NLRP6: variants seen among roughly 807,000 people sequenced by gnomAD.
NLRP6 encodes NACHT, LRR and PYD domains-containing protein 6.
NLRP6 carries 55 observed loss-of-function variants against 70.9 expected under a neutral mutation model. That is an observed-to-expected ratio of 0.78 (90% CI 0.62 to 0.97). The LOEUF is 0.97. Among genes scored for constraint, NLRP6 ranks in the 50% least tolerant of loss-of-function variants. The pLI, the probability that NLRP6 is intolerant of heterozygous loss-of-function variation, is 0.00. For synonymous variants in NLRP6, 652 were observed against 581.9 expected (o/e 1.12, Z -1.73); for missense variants, 1,241 against 1,238.3 (o/e 1.00, Z -0.03).
At chr11:282,529 C>T (rs1845493671) in intron 4 of NLRP6, among the ~76,000 whole-genome samples, 176 bp from the exon 5 acceptor site, 1 of 152,108 alleles carries the variant, frequency 6.6e-6, no homozygotes, top group Non-Finnish European at 1.5e-5. Context: ...ATGCCTGGGC[C>T]ACAGATGAGT....
chr11:282,619 C>T (rs1845494682), intron 4 of NLRP6, 86 bp from the exon 5 acceptor site: 1 of 1,052,168 alleles, frequency 9.5e-7, no homozygotes, highest in Non-Finnish European at 1.5e-6. Flanking sequence ...AGCTCTGAGA[C>T]CCCAGGACTA....
In NLRP6 at chr11:279,694, C is replaced by T. The variant is rs367560116; in HGVS notation, c.310+87C>T. 5 of 1,348,086 alleles carry T rather than the reference C, an allele frequency of 3.7e-6. No homozygotes were observed. In the African/African-American group the frequency reaches 6.2e-5, roughly 17 times the overall value. 83.5% of individuals were successfully genotyped at this position (1,348,086 alleles called of 1,614,324 possible). ...TTCCCGGAGAAGCCCCGGCGCGGTC[C>T]CCGGCCCCCGCGCGTTTTATCCACA... On this transcript the variant is annotated intron_variant, in intron 2 of 7. Coordinates refer to ENST00000534750, the MANE Select transcript of NLRP6 (RefSeq NM_001276700.2).
chr11:280,386 G>T lies in NLRP6; in HGVS notation c.652G>T (p.Asp218Tyr). 1 of 1,560,982 alleles carries T rather than the reference G, an allele frequency of 6.4e-7. No individual in the cohort carries two copies. Among genetic ancestry groups the T allele is most frequent in the South Asian group, 1.2e-5 (1 of 86,366 alleles). Residue 218 changes from aspartate to tyrosine, a missense_variant, in exon 4 of 8, where the codon GAC (aspartate) becomes TAC (tyrosine). Transcript: ENST00000534750. ...KTMAAKKILY[D>Y]WAAGKLYQGQ... is the part of the protein sequence containing the mutation. ...CATGGCGGCCAAAAAGATCCTGTACGACTGGGCGGCGGGCAAGCTGTACCA... is the reference window on the plus strand; with the variant it reads ...CATGGCGGCCAAAAAGATCCTGTACTACTGGGCGGCGGGCAAGCTGTACCA...
At chr11:283,730 G>A (rs1481510238) in intron 5 of NLRP6, among the ~76,000 whole-genome samples, 1 of 152,140 alleles carries the variant, frequency 6.6e-6, no homozygotes, top group African/African-American at 2.4e-5. Flanking sequence ...TCCATCCTAC[G>A]TTGATGGCAA....
At position 280,428 on chromosome 11, in the gene NLRP6, G is replaced by C. The variant is rs1177209006; in HGVS notation, c.694G>C (p.Ala232Pro). The C allele has an allele frequency of 1.3e-6, 2 of 1,590,546 alleles. No homozygotes were observed. The highest frequency in any genetic ancestry group is 1.4e-5 in the African/African-American group (1 of 73,906). The stretch of plus-strand genomic sequence containing the variant: ...GCTGTACCAGGGCCAGGTGGACTTC[G>C]CCTTCTTCATGCCCTGCGGCGAGCT... ...GKLYQGQVDF[A>P]FFMPCGELLE... Residue 232 changes from alanine to proline, a missense_variant, in exon 4 of 8, where the codon GCC becomes CCC. Physicochemically the swap from Ala to Pro is conservative, Grantham distance 27 (BLOSUM62 -1). Coordinates refer to ENST00000534750, the MANE Select transcript of NLRP6 (RefSeq NM_001276700.2).
In NLRP6 at chr11:283,273, G is replaced by T. The variant is rs1590271513; in HGVS notation, c.2198+476G>T. 4.0e-5 allele frequency among the ~76,000 whole-genome samples: 6 copies of T among 150,088 alleles called. 1 individual carries two copies. The highest frequency in any genetic ancestry group is 4.0e-4 in the Admixed American group (6 of 15,074). ...GAAATGGAGCCAGTAGATCCAGAGAGTTGGGGTGAGATTTAATGTGGCTAC... is the reference window on the plus strand; with the variant it reads ...GAAATGGAGCCAGTAGATCCAGAGATTTGGGGTGAGATTTAATGTGGCTAC... On this transcript the variant is annotated intron_variant, in intron 5 of 7. Coordinates refer to ENST00000534750, the MANE Select transcript of NLRP6 (RefSeq NM_001276700.2).
In NLRP6 at chr11:284,632, CAGA is replaced by C. The variant is rs1845532316; in HGVS notation, c.2528_2530del (p.Gln843_Thr844delinsPro). ...CCTGCAGCACCAGGGATGCGGCCTG[CAGA>C]CCCTCAGGTGGAGGCAGGGGTGGGA... On this transcript the variant is annotated inframe_deletion, in exon 7 of 8. Coordinates refer to ENST00000534750, the MANE Select transcript of NLRP6 (RefSeq NM_001276700.2). 4 of 1,605,380 alleles carry C rather than the reference CAGA, an allele frequency of 2.5e-6. No homozygotes were observed. The highest frequency in any genetic ancestry group is 3.3e-5 in the Admixed American group (2 of 59,804).
At position 279,333 on chromosome 11, in the gene NLRP6, G is replaced by A; in HGVS notation, c.36G>A (p.Gly12=). ...CGCGCCCGCCCGCCTCCAGCACGGG[G>A]CCGCGCCTCGCGGTGGCCCGCGAGC... ...DQPEAPCSST[G]PRLAVARELL... The change falls in exon 2 of 8, where the codon GGG becomes GGA. Residue 12 remains glycine (G), a synonymous_variant. Coordinates refer to ENST00000534750, the MANE Select transcript of NLRP6 (RefSeq NM_001276700.2). The A allele has an allele frequency of 5.4e-6, 7 of 1,289,378 alleles. No homozygotes were observed. The highest frequency in any genetic ancestry group is 6.9e-6 in the Non-Finnish European group (7 of 1,018,294). The allele number at this position is 1,289,378 out of a possible 1,614,324, so 79.9% of individuals were successfully genotyped here. A position where few individuals can be genotyped will look rare whatever the true frequency, so the allele number is the denominator to read the frequency against.
In NLRP6 at chr11:284,593, T is replaced by C. The variant is rs761884600; in HGVS notation, c.2488T>C (p.Tyr830His). 4 of 1,611,674 alleles carry C rather than the reference T, an allele frequency of 2.5e-6. No individual in the cohort carries two copies. The South Asian group carries it at 3.3e-5, about 13-fold the overall frequency. The part of the protein sequence containing the change: ...GCQLPAPMVT[Y>H]LCAVLQHQGC... ...CCAACTGCCCGCCCCCATGGTGACCTACCTGTGTGCAGTCCTGCAGCACCA... is the reference window on the plus strand; with the variant it reads ...CCAACTGCCCGCCCCCATGGTGACCCACCTGTGTGCAGTCCTGCAGCACCA... Residue 830 changes from tyrosine (Y) to histidine (H), a missense_variant, in exon 7 of 8, where the codon TAC (tyrosine) becomes CAC (histidine). Transcript: ENST00000534750.
In NLRP6 at chr11:282,769, G is replaced by T; in HGVS notation, c.2170G>T (p.Asp724Tyr). 6.2e-7 allele frequency: 1 copy of T among 1,613,944 alleles called. No individual in the cohort carries two copies. The highest frequency in any genetic ancestry group is 1.1e-5 in the South Asian group (1 of 91,070). Residue 724 changes from aspartate to tyrosine, a missense_variant, in exon 5 of 8, where the codon GAC becomes TAC. Coordinates refer to ENST00000534750, the MANE Select transcript of NLRP6 (RefSeq NM_001276700.2). Reference sequence around the variant, plus strand: ...TCATCCACTCTTTCAGGCAATGACTGACCCACTGTGCCATCTGAGCAGCCT... The same window carrying T: ...TCATCCACTCTTTCAGGCAATGACTTACCCACTGTGCCATCTGAGCAGCCT... ...LLHPLFQAMT[D>Y]PLCHLSSLTL... is the part of the protein sequence containing the mutation.
At position 278,962 on chromosome 11, in the gene NLRP6, G is replaced by C. The variant is rs778715941; in HGVS notation, c.29+364G>C. On this transcript the variant is annotated intron_variant, in intron 1 of 7. Coordinates refer to ENST00000534750, the MANE Select transcript of NLRP6 (RefSeq NM_001276700.2). This position sits in a 1 kb window ranked among gnomAD's most constrained non-coding sequence, Gnocchi z 4.7. The stretch of plus-strand genomic sequence containing the variant: ...AGGAAAGCGAGGAAAGAGAGCTCAG[G>C]GTTCCTTGGAAATACCTCCCTCGGG... The C allele has an allele frequency of 1.7e-4, 59 of 347,890 alleles. No individual in the cohort carries two copies. The highest frequency in any genetic ancestry group is 2.7e-4 in the Non-Finnish European group (52 of 193,112). 21.6% of individuals were successfully genotyped at this position (347,890 alleles called of 1,614,324 possible).
chr11:282,273 T>C (rs1474999772), intron 4 of NLRP6, among the ~76,000 whole-genome samples: 1 of 152,076 alleles, frequency 6.6e-6, no homozygotes, highest in Non-Finnish European at 1.5e-5. Flanking sequence ...AGAAGTACCC[T>C]TTCGACCACC....
At chr11:281,947 C>A in intron 4 of NLRP6, 108 bp downstream of exon 4, 1 of 996,574 alleles carries the variant, frequency 1.0e-6, no homozygotes, top group Non-Finnish European at 1.4e-6. Context: ...CAGACCAGAC[C>A]CTGGCTCCCC....
In NLRP6 at chr11:281,027, G is replaced by A; in HGVS notation, c.1293G>A (p.Pro431=). Residue 431 remains proline (P), a synonymous_variant, in exon 4 of 8, where the codon CCG becomes CCA. Coordinates refer to ENST00000534750, the MANE Select transcript of NLRP6 (RefSeq NM_001276700.2). ...LFITSVLSSA[P]VADGPRLQGD... Reference sequence around the variant, plus strand: ...TCACCAGCGTTCTGAGCTCGGCTCCGGTAGCCGACGGGCCCCGGTTGCAGG... The same window carrying A: ...TCACCAGCGTTCTGAGCTCGGCTCCAGTAGCCGACGGGCCCCGGTTGCAGG... 2 of 1,613,030 alleles carry A rather than the reference G, an allele frequency of 1.2e-6. No homozygotes were observed. Among genetic ancestry groups the A allele is most frequent in the South Asian group, 1.1e-5 (1 of 91,080 alleles).
At chr11:285,085 G>T in intron 7 of NLRP6, 81 bp from the exon 8 acceptor site, 1 of 1,298,266 alleles carries the variant, frequency 7.7e-7, no homozygotes, top group Non-Finnish European at 1.1e-6. Context: ...CCGCGGCCCG[G>T]CTGCCCCCAC....
At position 281,156 on chromosome 11, in the gene NLRP6, A is replaced by G. The variant is rs1845470048; in HGVS notation, c.1422A>G (p.Lys474=). 6.2e-7 allele frequency: 1 copy of G among 1,613,096 alleles called. No individual in the cohort carries two copies. Among genetic ancestry groups the G allele is most frequent in the Admixed American group, 1.7e-5 (1 of 60,032 alleles). Residue 474 remains lysine (K), a synonymous_variant, in exon 4 of 8, where the codon AAA becomes AAG. Coordinates refer to ENST00000534750, the MANE Select transcript of NLRP6 (RefSeq NM_001276700.2). ...ELEQLELRGS[K]VQTLFLSKKE... Reference sequence around the variant, plus strand: ...AGCAACTGGAGCTTCGTGGCTCCAAAGTGCAGACGCTGTTTCTCAGCAAAA... The same window carrying G: ...AGCAACTGGAGCTTCGTGGCTCCAAGGTGCAGACGCTGTTTCTCAGCAAAA...
At position 280,604 on chromosome 11, in the gene NLRP6, C is replaced by A; in HGVS notation, c.870C>A (p.Pro290=). 6.9e-7 allele frequency: 1 copy of A among 1,445,094 alleles called. No individual in the cohort carries two copies. The allele number at this position is 1,445,094 out of a possible 1,614,324, so 89.5% of individuals were successfully genotyped here. The change falls in exon 4 of 8, where the codon CCC becomes CCA. Residue 290 remains proline, a synonymous_variant. Coordinates refer to ENST00000534750, the MANE Select transcript of NLRP6 (RefSeq NM_001276700.2). The stretch of plus-strand genomic sequence containing the variant: ...ACGAGCTGCCGGCGCTGGGGGGCCC[C>A]GAGGCCGCGCCCTGCACAGACCCCT... The part of the protein sequence containing the change: ...GADELPALGG[P]EAAPCTDPFE...
chr11:279,703 C>T, intron 2 of NLRP6, 96 bp downstream of exon 2: 1 of 1,345,852 alleles, frequency 7.4e-7, no homozygotes, highest in African/African-American at 1.6e-5. Flanking sequence ...CCCCGGCCCC[C>T]GCGCGTTTTA....
At position 279,884 on chromosome 11, in the gene NLRP6, G is replaced by A. The variant is rs1443351942; in HGVS notation, c.349+12G>A. ...GCTCTCCGTGTCCGGTGGGTCTCTC[G>A]CTGGGGGGGCACGAGTGTCCCCAAC... On this transcript the variant is annotated intron_variant, in intron 3 of 7. Transcript: ENST00000534750. The A allele has an allele frequency of 5.3e-5, 81 of 1,528,436 alleles. No homozygotes were observed. Among genetic ancestry groups the A allele is most frequent in the Non-Finnish European group, 6.6e-5 (75 of 1,141,790 alleles). The allele number at this position is 1,528,436 out of a possible 1,614,324, so 94.7% of individuals were successfully genotyped here.
Sources: allele counts gnomAD v4.1 joint callset (sites outside exome capture counted in the v4.1 genomes callset), GRCh38; gene constraint gnomAD v4.1.1; non-coding constraint Gnocchi (gnomAD v3.1); transcripts MANE v1.5; gene names NCBI Gene and HGNC (gene_info 2026-07-23, HGNC 2026-07-21).